RAP1GDS1: variants seen among roughly 807,000 people sequenced by gnomAD.
The protein encoded by RAP1GDS1 is Rap1 GTPase-GDP dissociation stimulator 1, also known as RAP1, GTP-GDP dissociation stimulator 1.
RAP1GDS1 carries 35 observed loss-of-function variants against 71.1 expected under a neutral mutation model. The observed-to-expected ratio is 0.49, with a 90% confidence interval of 0.38 to 0.65. RAP1GDS1 has a LOEUF of 0.65. Among genes scored for constraint, RAP1GDS1 ranks in the 30% least tolerant of loss-of-function variants. The probability of loss-of-function intolerance (pLI) is 0.00; values close to 1 mark genes in which losing one functional copy is unlikely to be tolerated. For synonymous variants in RAP1GDS1, 229 were observed against 243.1 expected (o/e 0.94, Z 0.54); for missense variants, 663 against 706.1 (o/e 0.94, Z 0.69).
chr4:98,338,876 AG>A (rs1463255918), intron 2 of RAP1GDS1, among the ~76,000 whole-genome samples: 1 of 152,204 alleles, frequency 6.6e-6, no homozygotes, highest in Admixed American at 6.5e-5. Flanking sequence ...TTATTGTAGT[AG>A]CATACCTGGA....
intron 2 of RAP1GDS1, among the ~76,000 whole-genome samples, chr4:98,329,618 T>A (rs1200437176): frequency 2.6e-5 from 4 of 151,850 alleles, no homozygotes; most frequent in Non-Finnish European, 5.9e-5. Flanking sequence ...TGAAACCTCA[T>A]CTCTACTAAA....
At chr4:98,414,051 C>G (rs1747518431) in intron 7 of RAP1GDS1, among the ~76,000 whole-genome samples, 3 of 151,964 alleles carry the variant, frequency 2.0e-5, no homozygotes, top group Admixed American at 2.0e-4. Context: ...CCTTCGCCCA[C>G]TTTTTGATGG....
chr4:98,396,062 G>C (rs2110136493), intron 6 of RAP1GDS1: 1 of 152,574 alleles, frequency 6.6e-6, no homozygotes, highest in South Asian at 2.1e-4. Context: ...GCGAGAGAGA[G>C]AGACAAAGGG....
intron 3 of RAP1GDS1, among the ~76,000 whole-genome samples, chr4:98,347,529 A>T (rs1736471937): frequency 6.6e-6 from 1 of 152,208 alleles, no homozygotes; most frequent in South Asian, 2.1e-4. Context: ...CAAAGAAAAA[A>T]AAGTGAATTC....
At chr4:98,299,521 T>C (rs900372690) in intron 2 of RAP1GDS1, among the ~76,000 whole-genome samples, 7 of 152,290 alleles carry the variant, frequency 4.6e-5, no homozygotes, top group African/African-American at 1.7e-4. Context: ...AAAACTAGAA[T>C]TAGAAGTGGC....
chr4:98,436,497 C>T (rs7673119), intron 13 of RAP1GDS1, among the ~76,000 whole-genome samples: 22,642 of 152,078 alleles, frequency 0.15, 2,218 homozygotes, highest in African/African-American at 0.27. Context: ...TGAAATTCCA[C>T]TGAGTCCTTA....
chr4:98,410,310 C>G (rs1306807490), intron 7 of RAP1GDS1, among the ~76,000 whole-genome samples: 2 of 152,012 alleles, frequency 1.3e-5, no homozygotes, highest in Non-Finnish European at 2.9e-5. Context: ...TTAAGTCCAA[C>G]AGACTTAATA....
chr4:98,339,615 A>G (rs749708459), intron 2 of RAP1GDS1, among the ~76,000 whole-genome samples: 34 of 151,996 alleles, frequency 2.2e-4, no homozygotes, highest in Non-Finnish European at 4.3e-4. Context: ...GGAATCATCA[A>G]CCCCTGACTA....
chr4:98,316,147 A>G (rs1560821295), intron 2 of RAP1GDS1, among the ~76,000 whole-genome samples: 2 of 152,176 alleles, frequency 1.3e-5, no homozygotes, highest in South Asian at 4.1e-4. Flanking sequence ...AAGGTGAGAT[A>G]AATAGATAGG....
intron 2 of RAP1GDS1, among the ~76,000 whole-genome samples, chr4:98,320,191 G>C (rs1217861044): frequency 6.6e-6 from 1 of 152,152 alleles, no homozygotes; most frequent in Non-Finnish European, 1.5e-5. Context: ...GTTAAGTTTT[G>C]GGGGAGTCAA....
In RAP1GDS1 at chr4:98,442,198, T is replaced by G; in HGVS notation, c.*81T>G. 3 of 1,492,436 alleles carry G rather than the reference T, an allele frequency of 2.0e-6. No homozygotes were observed. Among genetic ancestry groups the G allele is most frequent in the Non-Finnish European group, 2.7e-6 (3 of 1,099,742 alleles). The allele number at this position is 1,492,436 out of a possible 1,614,324, so 92.4% of individuals were successfully genotyped here. On this transcript the variant is annotated 3_prime_UTR_variant, in exon 15 of 15. Coordinates refer to ENST00000408927, the MANE Select transcript of RAP1GDS1 (RefSeq NM_001100427.2). ...CAGCGGCTTCTTCCGCTTCATTCTC[T>G]ACCATACCACTTGTGCATGCATGTG...
intron 1 of RAP1GDS1, among the ~76,000 whole-genome samples, chr4:98,280,252 A>T (rs1724864176): frequency 6.6e-6 from 1 of 152,162 alleles, no homozygotes; most frequent in Admixed American, 6.5e-5. Flanking sequence ...TTATTTCTCC[A>T]CATCCTCTCC....
intron 2 of RAP1GDS1, among the ~76,000 whole-genome samples, chr4:98,306,133 T>C (rs1729290168): frequency 6.6e-6 from 1 of 152,220 alleles, no homozygotes; most frequent in South Asian, 2.1e-4. Flanking sequence ...TATAATTGAT[T>C]GAAGTTAACT....
intron 4 of RAP1GDS1, among the ~76,000 whole-genome samples, chr4:98,360,742 G>A (rs537737665): frequency 7.8e-4 from 119 of 151,998 alleles, no homozygotes; most frequent in African/African-American, 2.5e-3. Flanking sequence ...TTTCCTTGGC[G>A]GTGAGGAAAT....
intron 12 of RAP1GDS1, among the ~76,000 whole-genome samples, chr4:98,431,528 A>G (rs947696039): frequency 6.6e-6 from 1 of 152,246 alleles, no homozygotes; most frequent in Non-Finnish European, 1.5e-5. Context: ...GAAATAAAAC[A>G]TGTTTCAGAC....
intron 2 of RAP1GDS1, among the ~76,000 whole-genome samples, chr4:98,295,369 T>C (rs1189989531): frequency 6.6e-6 from 1 of 152,072 alleles, no homozygotes; most frequent in African/African-American, 2.4e-5. Context: ...TTGTTAACAA[T>C]CTGAAACAAA....
chr4:98,430,848 A>T (rs1318334298), intron 12 of RAP1GDS1, among the ~76,000 whole-genome samples: 1 of 152,222 alleles, frequency 6.6e-6, no homozygotes, highest in Non-Finnish European at 1.5e-5. Context: ...CTCACCCTGA[A>T]TTCCGTCTTG....
At chr4:98,360,131 C>T (rs1578580408) in intron 4 of RAP1GDS1, among the ~76,000 whole-genome samples, 2 of 152,244 alleles carry the variant, frequency 1.3e-5, no homozygotes, top group East Asian at 3.9e-4. Flanking sequence ...GGACAAAGAA[C>T]ACATATTACT....
rs1218584800 is a variant in RAP1GDS1 at position 98,344,846 on chromosome 4, A to T, written c.235+1585A>T. Among the ~76,000 whole-genome samples, 4 of 152,164 alleles carry T rather than the reference A, an allele frequency of 2.6e-5. No individual in the cohort carries two copies. The East Asian group carries it at 7.7e-4, about 29-fold the overall frequency. On this transcript the variant is annotated intron_variant, in intron 3 of 14. Coordinates refer to ENST00000408927, the MANE Select transcript of RAP1GDS1 (RefSeq NM_001100427.2). Reference sequence around the variant, plus strand: ...TTTTGTTTGTTTGTTTGTTTTTGAGACAGGGTCTTACTGTGTCGCCCAGGC... The same window carrying T: ...TTTTGTTTGTTTGTTTGTTTTTGAGTCAGGGTCTTACTGTGTCGCCCAGGC...
Sources: gnomAD v4.1 joint callset for allele counts (sites outside exome capture counted in the v4.1 genomes callset) on GRCh38, gnomAD v4.1.1 for gene constraint, MANE v1.5 for transcripts, NCBI Gene and HGNC (gene_info 2026-07-23, HGNC 2026-07-21) for gene names.